AGAP1: variants seen among roughly 807,000 people sequenced by gnomAD.
The protein encoded by AGAP1 is arf-GAP with GTPase, ANK repeat and PH domain-containing protein 1.
A neutral mutation model predicts 105.3 loss-of-function variants in AGAP1; 29 were observed. The observed-to-expected ratio is 0.28, with a 90% CI of 0.21 to 0.38. AGAP1 has a LOEUF of 0.38. Ranked by LOEUF, AGAP1 falls within the 10% of genes least tolerant of loss-of-function variation. The pLI is 1.00. For synonymous variants in AGAP1, 509 were observed against 485.9 expected (o/e 1.05, Z -0.63); for missense variants, 998 against 1,165.1 (o/e 0.86, Z 2.09).
intron 16 of AGAP1, among the ~76,000 whole-genome samples, chr2:236,103,217 A>G (rs1384114265): frequency 6.6e-6 from 1 of 152,034 alleles, no homozygotes; most frequent in Non-Finnish European, 1.5e-5. Flanking sequence ...ACCTCCGCCC[A>G]CTGCCTCCCA....
In AGAP1 at chr2:236,040,952, G is replaced by A. The variant is rs1249677408; in HGVS notation, c.1891+111G>A. ...CATCTGTCCTGTTTGGCAGATAAGA[G>A]TTAACTGCTTTTAGGAAATTGAGAT... On this transcript the variant is annotated intron_variant, in intron 15 of 17. Coordinates refer to ENST00000304032, the MANE Select transcript of AGAP1 (RefSeq NM_001037131.3). This position sits in a 1 kb window ranked among gnomAD's most constrained non-coding sequence, Gnocchi z 5.6. 1.4e-5 allele frequency: 15 copies of A among 1,041,324 alleles called. No individual in the cohort carries two copies. The highest frequency in any genetic ancestry group is 2.1e-5 in the Non-Finnish European group (15 of 699,348). The allele number at this position is 1,041,324 out of a possible 1,614,324, so 64.5% of individuals were successfully genotyped here.
chr2:235,824,502 G>A lies in AGAP1; in HGVS notation c.1050+17171G>A, dbSNP rs538544900. On this transcript the variant is annotated intron_variant, in intron 9 of 17. Coordinates refer to ENST00000304032, the MANE Select transcript of AGAP1 (RefSeq NM_001037131.3). This position sits in a 1 kb window ranked among gnomAD's most constrained non-coding sequence, Gnocchi z 5.2. ...AGATACTTGTAAACTCATTTACAGCGTCAGTGTGTGTTAGGACCATCATTG... is the reference window on the plus strand; with the variant it reads ...AGATACTTGTAAACTCATTTACAGCATCAGTGTGTGTTAGGACCATCATTG... 1.1e-4 allele frequency among the ~76,000 whole-genome samples: 16 copies of A among 152,174 alleles called. No individual in the cohort carries two copies. The highest frequency in any genetic ancestry group is 4.6e-4 in the Admixed American group (7 of 15,284).
rs1398766817 is a variant in AGAP1 at position 235,556,404 on chromosome 2, A to T, written c.163+61555A>T. 6.6e-6 allele frequency among the ~76,000 whole-genome samples: 1 copy of T among 152,268 alleles called. No individual in the cohort carries two copies. Among genetic ancestry groups the T allele is most frequent in the African/African-American group, 2.4e-5 (1 of 41,480 alleles). Reference sequence around the variant, plus strand: ...GGACACTGACCCCAAGGCCCAGGCCAGTCTCGTCCAGGCTGCCCACACCTA... The same window carrying T: ...GGACACTGACCCCAAGGCCCAGGCCTGTCTCGTCCAGGCTGCCCACACCTA... On this transcript the variant is annotated intron_variant, in intron 1 of 17. Coordinates refer to ENST00000304032, the MANE Select transcript of AGAP1 (RefSeq NM_001037131.3). The surrounding 1 kb of genome is among the most constrained non-coding windows in gnomAD (Gnocchi z 5.3).
chr2:235,684,830 C>T (rs1422656153), intron 1 of AGAP1, among the ~76,000 whole-genome samples: 2 of 152,142 alleles, frequency 1.3e-5, no homozygotes, highest in Non-Finnish European at 2.9e-5. Context: ...GGAATTGTGA[C>T]CAACAGGAGA....
rs114767510 is a variant in AGAP1, at chr2:235,621,321, C to T, written c.164-87858C>T. 3.9e-4 allele frequency among the ~76,000 whole-genome samples: 59 copies of T among 152,240 alleles called. No homozygotes were observed. The highest frequency in any genetic ancestry group is 1.3e-3 in the African/African-American group (54 of 41,548). On this transcript the variant is annotated intron_variant, in intron 1 of 17. Transcript: ENST00000304032. The surrounding 1 kb of genome is among the most constrained non-coding windows in gnomAD (Gnocchi z 4.1). ...ACAGGTGTGAGCCACCACGCCCAGCCGATCTATTTAATTTCATTGTGCCTT... is the reference window on the plus strand; with the variant it reads ...ACAGGTGTGAGCCACCACGCCCAGCTGATCTATTTAATTTCATTGTGCCTT...
rs2050353487 is a variant in AGAP1 at position 235,888,077 on chromosome 2, C to G, written c.1155+4628C>G. On this transcript the variant is annotated intron_variant, in intron 10 of 17. Coordinates refer to ENST00000304032, the MANE Select transcript of AGAP1 (RefSeq NM_001037131.3). This position sits in a 1 kb window ranked among gnomAD's most constrained non-coding sequence, Gnocchi z 4.8. ...CCCTGGTGCCACCACCAGCCTCCTT[C>G]CATTTGCTTATCATGTTAAATTCAG... 6.6e-6 allele frequency among the ~76,000 whole-genome samples: 1 copy of G among 152,194 alleles called. No individual in the cohort carries two copies. The highest frequency in any genetic ancestry group is 6.5e-5 in the Admixed American group (1 of 15,280).
In AGAP1 at chr2:236,078,035, A is replaced by G. The variant is rs968450928; in HGVS notation, c.2114+28754A>G. On this transcript the variant is annotated intron_variant, in intron 16 of 17. Transcript: ENST00000304032. This position sits in a 1 kb window ranked among gnomAD's most constrained non-coding sequence, Gnocchi z 5.3. ...TCAGGGTTCTCCAGAGAAACAACCA[A>G]TTTGTGTGTGTGTGTGTGTGTGTGT... Among the ~76,000 whole-genome samples, 1 of 100,384 alleles carries G rather than the reference A, an allele frequency of 1.0e-5. No individual in the cohort carries two copies. Among genetic ancestry groups the G allele is most frequent in the South Asian group, 4.0e-4 (1 of 2,478 alleles). 65.9% of individuals were successfully genotyped at this position (100,384 alleles called of 152,430 possible).
rs940862575 is a variant in AGAP1, at chr2:235,964,032, G to A, written c.1484-4430G>A. Among the ~76,000 whole-genome samples the A allele has an allele frequency of 5.9e-5, 9 of 152,212 alleles. No individual in the cohort carries two copies. Among genetic ancestry groups the A allele is most frequent in the Non-Finnish European group, 1.2e-4 (8 of 68,044 alleles). ...CTCAGCATTGCACAAGTCACCACAG[G>A]GGAGGCGAGCACTGGTGGTTGCCCT... On this transcript the variant is annotated intron_variant, in intron 12 of 17. Transcript: ENST00000304032. The surrounding 1 kb of genome is among the most constrained non-coding windows in gnomAD (Gnocchi z 4.6).
chr2:235,789,297 G>C lies in AGAP1; in HGVS notation c.674-8462G>C, dbSNP rs956237946. Among the ~76,000 whole-genome samples, 1 of 152,162 alleles carries C rather than the reference G, an allele frequency of 6.6e-6. No individual in the cohort carries two copies. Among genetic ancestry groups the C allele is most frequent in the Non-Finnish European group, 1.5e-5 (1 of 68,046 alleles). ...AAATTTCCCCTCATTCTAAAATTCT[G>C]AAATTAACGTCAGCAGCCTTGACTT... On this transcript the variant is annotated intron_variant, in intron 6 of 17. Transcript: ENST00000304032. The surrounding 1 kb of genome is among the most constrained non-coding windows in gnomAD (Gnocchi z 4.2).
chr2:235,681,372 C>T (rs760012798), intron 1 of AGAP1, among the ~76,000 whole-genome samples: 1 of 152,140 alleles, frequency 6.6e-6, no homozygotes, highest in South Asian at 2.1e-4. Flanking sequence ...GAAGCATGCA[C>T]TAGAGCGTGA....
At chr2:235,990,911 G>A (rs1391703490) in intron 13 of AGAP1, among the ~76,000 whole-genome samples, 1 of 152,246 alleles carries the variant, frequency 6.6e-6, no homozygotes, top group Non-Finnish European at 1.5e-5. Flanking sequence ...GGGACCACCA[G>A]GGGTGGGGCA....
intron 1 of AGAP1, among the ~76,000 whole-genome samples, chr2:235,545,956 C>T (rs540489362): frequency 6.6e-6 from 1 of 152,262 alleles, no homozygotes; most frequent in Non-Finnish European, 1.5e-5. Flanking sequence ...TGGTACCCCA[C>T]CCTTCGCCCC....
intron 1 of AGAP1, among the ~76,000 whole-genome samples, chr2:235,571,064 TGGAGTA>T (rs1360591925): frequency 2.6e-5 from 4 of 152,208 alleles, no homozygotes; most frequent in Admixed American, 2.0e-4. Flanking sequence ...TTCACATGGT[TGGAGTA>T]GGAGTAAGAG....
chr2:235,968,637 G>A lies in AGAP1; in HGVS notation c.1645+14G>A, dbSNP rs543277965. On this transcript the variant is annotated intron_variant, in intron 13 of 17. Transcript: ENST00000304032. ...GCACTGCTGAAGGTAAGGGTTCCGCGGTGCCCCGGGAGAGAGTCTCCACTG... is the reference window on the plus strand; with the variant it reads ...GCACTGCTGAAGGTAAGGGTTCCGCAGTGCCCCGGGAGAGAGTCTCCACTG... 78 of 1,595,890 alleles carry A rather than the reference G, an allele frequency of 4.9e-5. No individual in the cohort carries two copies. Among genetic ancestry groups the A allele is most frequent in the East Asian group, 3.4e-4 (15 of 44,292 alleles).
intron 13 of AGAP1, among the ~76,000 whole-genome samples, chr2:235,969,593 C>T (rs188837859): frequency 6.6e-5 from 10 of 152,218 alleles, no homozygotes; most frequent in African/African-American, 1.9e-4. Flanking sequence ...TCTACTTGAT[C>T]GAGGGTTCAA....
At chr2:235,828,026 A>G (rs1371569406) in intron 9 of AGAP1, among the ~76,000 whole-genome samples, 1 of 152,210 alleles carries the variant, frequency 6.6e-6, no homozygotes, top group African/African-American at 2.4e-5. Flanking sequence ...TAGGGGCTGC[A>G]TTTTGACAGA....
Position 235,725,216 on chromosome 2 carries a change from C to T in AGAP1, c.310+7572C>T, listed in dbSNP as rs1442945969. On this transcript the variant is annotated intron_variant, in intron 3 of 17. Coordinates refer to ENST00000304032, the MANE Select transcript of AGAP1 (RefSeq NM_001037131.3). This position sits in a 1 kb window ranked among gnomAD's most constrained non-coding sequence, Gnocchi z 5.7. ...TTCCCGGGGTTAGCCTTGCCACCCT[C>T]CTTCAGGACTGCCTAGAATTGTTTC... Among the ~76,000 whole-genome samples, 1 of 152,166 alleles carries T rather than the reference C, an allele frequency of 6.6e-6. No homozygotes were observed. The highest frequency in any genetic ancestry group is 1.5e-5 in the Non-Finnish European group (1 of 68,026).
intron 16 of AGAP1, among the ~76,000 whole-genome samples, chr2:236,074,416 A>T (rs2058584200): frequency 6.6e-6 from 1 of 152,142 alleles, no homozygotes; most frequent in Non-Finnish European, 1.5e-5. Flanking sequence ...CACACTCTGC[A>T]CTCTGGGAAG....
chr2:235,881,204 A>G (rs545387376), intron 9 of AGAP1, among the ~76,000 whole-genome samples: 3 of 152,142 alleles, frequency 2.0e-5, no homozygotes, highest in South Asian at 2.1e-4. Context: ...AAAAAACAGT[A>G]TTGTCACAGT....
Sources: gnomAD v4.1 joint callset for allele counts (sites outside exome capture counted in the v4.1 genomes callset) on GRCh38, gnomAD v4.1.1 for gene constraint, Gnocchi (gnomAD v3.1) non-coding constraint, MANE v1.5 for transcripts, NCBI Gene and HGNC (gene_info 2026-07-23, HGNC 2026-07-21) for gene names.